Variants in EYA3 observed in about 807,000 individuals in gnomAD.
EYA3 encodes EYA transcriptional coactivator and phosphatase 3.
Under a neutral mutation model 80.0 loss-of-function variants are expected in EYA3, and 39 were observed. The observed-to-expected ratio is 0.49, with a 90% confidence interval of 0.38 to 0.64. The LOEUF is 0.64. EYA3 is among the 30% of genes least tolerant of loss of function. The pLI is 0.00. For synonymous variants in EYA3, 206 were observed against 232.8 expected, an observed-to-expected ratio of 0.88 and a Z score of 1.05; for missense variants, 523 against 676.1, an observed-to-expected ratio of 0.77 and a Z score of 2.51.
intron 1 of EYA3, among the ~76,000 whole-genome samples, chr1:28,058,935 A>G (rs889563521): frequency 2.0e-5 from 3 of 152,194 alleles, no homozygotes; most frequent in Admixed American, 1.3e-4. Context: ...CAAAAGTGAA[A>G]CCAGCACTTC....
At position 27,974,347 on chromosome 1, in the gene EYA3, G is replaced by A; in HGVS notation, c.*119C>T. The A allele has an allele frequency of 3.2e-6, 2 of 624,168 alleles. No homozygotes were observed. Among genetic ancestry groups the A allele is most frequent in the Admixed American group, 2.8e-5 (1 of 35,810 alleles). 38.7% of individuals were successfully genotyped at this position (624,168 alleles called of 1,614,324 possible). A position where few individuals can be genotyped will look rare whatever the true frequency, so the allele number is the denominator to read the frequency against. ...GGAGAGAGAGAAAGAGAGAAAGAGAGAGAGATAGAGACAGAGACACAGAGA... is the reference window on the plus strand; with the variant it reads ...GGAGAGAGAGAAAGAGAGAAAGAGAAAGAGATAGAGACAGAGACACAGAGA... On this transcript the variant is annotated 3_prime_UTR_variant, in exon 18 of 18. Coordinates refer to ENST00000373871, the MANE Select transcript of EYA3 (RefSeq NM_001990.4).
At chr1:28,080,052 T>C (rs1483389635) in intron 1 of EYA3, among the ~76,000 whole-genome samples, 1 of 152,186 alleles carries the variant, frequency 6.6e-6, no homozygotes, top group Non-Finnish European at 1.5e-5. Context: ...AAATTCAATT[T>C]CACCTAAAAG....
At chr1:28,033,739 C>A (rs911215011) in intron 6 of EYA3, among the ~76,000 whole-genome samples, 3 of 151,100 alleles carry the variant, frequency 2.0e-5, no homozygotes, top group African/African-American at 7.3e-5. Flanking sequence ...ACTGCAACTT[C>A]TGTCTCCCAG....
chr1:28,086,223 C>CTTT (rs5773209), intron 1 of EYA3, among the ~76,000 whole-genome samples: 1,991 of 146,698 alleles, frequency 0.014, 30 homozygotes, highest in Middle Eastern at 0.054. Flanking sequence ...GTTGTAATTT[C>CTTT]TTTTTTTTTT....
chr1:28,008,820 T>C (rs1197529257), intron 10 of EYA3, among the ~76,000 whole-genome samples: 2 of 152,182 alleles, frequency 1.3e-5, no homozygotes, highest in African/African-American at 2.4e-5. Context: ...GGCATGTGCC[T>C]GTAATCCCAG....
intron 1 of EYA3, among the ~76,000 whole-genome samples, chr1:28,073,843 T>C (rs548808638): frequency 6.6e-6 from 1 of 152,324 alleles, no homozygotes; most frequent in Admixed American, 6.5e-5. Flanking sequence ...AAAGTTATAA[T>C]AGGATCTACT....
At chr1:28,079,115 C>A (rs1171615739) in intron 1 of EYA3, among the ~76,000 whole-genome samples, 2 of 152,170 alleles carry the variant, frequency 1.3e-5, no homozygotes, top group African/African-American at 2.4e-5. Context: ...TGAGTTAACA[C>A]AAGTGAAGTG....
intron 1 of EYA3, among the ~76,000 whole-genome samples, chr1:28,075,238 T>C (rs1000915474): frequency 6.6e-6 from 1 of 152,226 alleles, no homozygotes; most frequent in African/African-American, 2.4e-5. Flanking sequence ...CCCAGAAATA[T>C]ACCAGAGCTT....
At chr1:28,045,411 G>A (rs1002843944) in intron 3 of EYA3, among the ~76,000 whole-genome samples, 1 of 152,296 alleles carries the variant, frequency 6.6e-6, no homozygotes, top group African/African-American at 2.4e-5. Context: ...TAACTAGTTT[G>A]ACTTCTACAT....
At chr1:28,046,716 GGT>G (rs1477988659) in intron 3 of EYA3, among the ~76,000 whole-genome samples, 1 of 152,174 alleles carries the variant, frequency 6.6e-6, no homozygotes, top group Admixed American at 6.5e-5. Flanking sequence ...GTACAGAATA[GGT>G]GGATAGTTGG....
chr1:27,978,136 A>T (rs987886294), intron 17 of EYA3, among the ~76,000 whole-genome samples: 1 of 152,184 alleles, frequency 6.6e-6, no homozygotes, highest in Admixed American at 6.5e-5. Flanking sequence ...GAAGGGCTTA[A>T]AGATTTTAAG....
chr1:27,990,468 C>T (rs1639971889), intron 14 of EYA3: 1 of 151,988 alleles, frequency 6.6e-6, no homozygotes, highest in Non-Finnish European at 1.5e-5. Flanking sequence ...TGAACATCTC[C>T]TAATTTGTCG....
chr1:28,031,281 A>C (rs1040668270), intron 6 of EYA3, among the ~76,000 whole-genome samples: 1 of 152,136 alleles, frequency 6.6e-6, no homozygotes, highest in South Asian at 2.1e-4. Flanking sequence ...TCTAAAAGCA[A>C]CCCTCCCAGA....
Position 28,006,578 on chromosome 1 carries a change from C to T in EYA3, c.910-2159G>A, listed in dbSNP as rs191713881. The stretch of plus-strand genomic sequence containing the variant: ...AAAATTAACCGGGTGTGGTGGCACG[C>T]GCCTGTAATCCCAGCTACTCAGGAG... On this transcript the variant is annotated intron_variant, in intron 10 of 17. Coordinates refer to ENST00000373871, the MANE Select transcript of EYA3 (RefSeq NM_001990.4). Among the ~76,000 whole-genome samples, 727 of 152,068 alleles carry T rather than the reference C, an allele frequency of 4.8e-3. 5 individuals carry two copies. Among genetic ancestry groups the T allele is most frequent in the African/African-American group, 0.017 (695 of 41,478 alleles).
chr1:28,004,656 G>A (rs535970076), intron 10 of EYA3, among the ~76,000 whole-genome samples: 3 of 152,050 alleles, frequency 2.0e-5, no homozygotes, highest in South Asian at 4.1e-4. Context: ...GCAGTGCTAA[G>A]AGGAAAAATT....
At chr1:28,019,558 G>C (rs1642289185) in intron 7 of EYA3, among the ~76,000 whole-genome samples, 1 of 152,066 alleles carries the variant, frequency 6.6e-6, no homozygotes, top group Admixed American at 6.6e-5. Flanking sequence ...GGTGATTTAA[G>C]GTGGGAAATA....
At chr1:28,015,387 G>A (rs1334171511) in intron 8 of EYA3, among the ~76,000 whole-genome samples, 1 of 152,116 alleles carries the variant, frequency 6.6e-6, no homozygotes, top group Non-Finnish European at 1.5e-5. Context: ...TAGGGAATAG[G>A]GAATGGGGAC....
intron 2 of EYA3, among the ~76,000 whole-genome samples, chr1:28,052,418 C>T (rs1034891624): frequency 6.6e-6 from 1 of 152,138 alleles, no homozygotes; most frequent in African/African-American, 2.4e-5. Flanking sequence ...TGAAATAGAC[C>T]TCTACATTTG....
intron 16 of EYA3, among the ~76,000 whole-genome samples, chr1:27,986,285 A>G (rs1009291667): frequency 3.3e-5 from 5 of 151,730 alleles, no homozygotes; most frequent in Non-Finnish European, 4.4e-5. Context: ...GAATCGCTTG[A>G]ACCTGGGAGG....
Sources: allele counts gnomAD v4.1 joint callset (sites outside exome capture counted in the v4.1 genomes callset), GRCh38; gene constraint gnomAD v4.1.1; transcripts MANE v1.5; gene names NCBI Gene and HGNC (gene_info 2026-07-23, HGNC 2026-07-21).